Variants in SCRN2 observed in about 807,000 individuals in gnomAD.
SCRN2 encodes secernin-2.
Under a neutral mutation model 40.1 loss-of-function variants are expected in SCRN2, and 30 were observed. The observed-to-expected ratio is 0.75, with a 90% CI of 0.56 to 1.01. The LOEUF (loss-of-function observed/expected upper bound fraction) is 1.01. Ranked by LOEUF, SCRN2 falls within the 50% of genes least tolerant of loss-of-function variation. SCRN2 has a pLI of 0.00. For synonymous variants in SCRN2, 240 were observed against 233.5 expected, an observed-to-expected ratio of 1.03 and a Z score of -0.25; for missense variants, 526 against 564.9, an observed-to-expected ratio of 0.93 and a Z score of 0.70.
Position 47,837,921 on chromosome 17 carries a change from CG to C in SCRN2, c.1200del (p.Glu401SerfsTer17). On this transcript the variant is annotated frameshift_variant, in exon 8 of 8. Coordinates refer to ENST00000290216, the MANE Select transcript of SCRN2 (RefSeq NM_138355.4). LOFTEE classifies it high-confidence loss of function. ...AGCTCCCAGAGGGGTGGGGCCCACT[CG>C]CCGGCCAGCAGCCCCTGTGTGGCCT... ...GLEATQGLLA[G>X]EWAPPLWELG... 6.2e-7 allele frequency: 1 copy of C among 1,604,908 alleles called. No homozygotes were observed. The highest frequency in any genetic ancestry group is 8.5e-7 in the Non-Finnish European group (1 of 1,179,260).
chr17:47,839,551 T>G lies in SCRN2; in HGVS notation c.449A>C (p.Glu150Ala). ...EHYGQGGNCL[E>A]DAAPFSYHST... ...ATGGTAGGAGAATGGCGCAGCATCC[T>G]CCAGGCAGTTGCCCCCCTGCCCATA... is the stretch of plus-strand genomic sequence containing the variant. The change falls in exon 4 of 8, where the codon GAG becomes GCG. Residue 150 changes from glutamate to alanine, a missense_variant. Physicochemically the swap from Glu to Ala is moderately radical, Grantham distance 107. Transcript: ENST00000290216. 5 of 1,613,982 alleles carry G rather than the reference T, an allele frequency of 3.1e-6. No individual in the cohort carries two copies. Among genetic ancestry groups the G allele is most frequent in the Non-Finnish European group, 4.2e-6 (5 of 1,180,038 alleles).
intron 4 of SCRN2, 68 bp from the exon 5 acceptor site, chr17:47,839,074 G>A: frequency 6.5e-7 from 1 of 1,540,060 alleles, no homozygotes; most frequent in Non-Finnish European, 8.9e-7. Flanking sequence ...CACTGGGCGA[G>A]GTGCTGAGAA....
chr17:47,840,942 C>G (rs1253154163), intron 1 of SCRN2, 99 bp from the exon 2 acceptor site: 13 of 1,181,468 alleles, frequency 1.1e-5, no homozygotes, highest in Non-Finnish European at 1.2e-5. Context: ...AAGACACCGC[C>G]GTGGCTCCTG....
chr17:47,839,782 G>A (rs1023289947), intron 3 of SCRN2, 139 bp from the exon 4 acceptor site: 12 of 791,378 alleles, frequency 1.5e-5, no homozygotes, highest in African/African-American at 8.6e-5. Context: ...GGCACTGATC[G>A]TATCAAATGC....
intron 3 of SCRN2, 22 bp from the exon 4 acceptor site, chr17:47,839,665 G>A (rs376738116): frequency 3.3e-5 from 54 of 1,613,114 alleles, no homozygotes; most frequent in Non-Finnish European, 4.6e-5. Context: ...GAGGGCCAAG[G>A]GACAGAAGGG....
At chr17:47,839,722 G>A in intron 3 of SCRN2, 79 bp from the exon 4 acceptor site, 1 of 1,491,980 alleles carries the variant, frequency 6.7e-7, no homozygotes, top group Non-Finnish European at 9.3e-7. Flanking sequence ...GGGGACAGAA[G>A]AGGCCCGGAG....
Position 47,838,326 on chromosome 17 carries a change from G to A in SCRN2, c.1063C>T (p.Arg355Trp), listed in dbSNP as rs759656311. ...TGGTGTCCACGGTAGAGGGTATGCC[G>A]ACGATCTACCTGAGTCTGGAATCGG... ...LPRFQTQVDR[R>W]HTLYRGHQAA... The change falls in exon 7 of 8, where the codon CGG becomes TGG. Residue 355 changes from arginine (R) to tryptophan (W), a missense_variant. Transcript: ENST00000290216. The A allele has an allele frequency of 1.9e-5, 30 of 1,610,680 alleles. No homozygotes were observed. Among genetic ancestry groups the A allele is most frequent in the Non-Finnish European group, 2.4e-5 (28 of 1,178,836 alleles).
Position 47,838,206 on chromosome 17 carries a change from G to A in SCRN2, c.1119+64C>T, listed in dbSNP as rs749825233. 5.8e-6 allele frequency: 9 copies of A among 1,564,740 alleles called. No individual in the cohort carries two copies. In the Admixed American group the frequency reaches 1.7e-4, roughly 30 times the overall value. ...TCCCTAGTTCCTTCATATTTCCAGA[G>A]TCCCACTGGGAGTGGGGGAGGTCTA... is the stretch of plus-strand genomic sequence containing the variant. On this transcript the variant is annotated intron_variant, in intron 7 of 7. Transcript: ENST00000290216.
chr17:47,838,172 C>T, intron 7 of SCRN2, 98 bp downstream of exon 7: 3 of 1,538,050 alleles, frequency 2.0e-6, no homozygotes, highest in Non-Finnish European at 2.6e-6. Context: ...GCTCTGAAAT[C>T]TCTTCCACTC....
chr17:47,838,644 A>G lies in SCRN2; in HGVS notation c.825T>C (p.Gly275=). 4.3e-6 allele frequency: 7 copies of G among 1,613,978 alleles called. No individual in the cohort carries two copies. Among genetic ancestry groups the G allele is most frequent in the Non-Finnish European group, 5.9e-6 (7 of 1,180,008 alleles). ...MMGILRDKES[G]ICMDSGGFRT... Reference sequence around the variant, plus strand: ...GAAAGCCTCCCGAGTCCATACAGATACCACTCTCCTTGTCTCTGAGGATGC... The same window carrying G: ...GAAAGCCTCCCGAGTCCATACAGATGCCACTCTCCTTGTCTCTGAGGATGC... Residue 275 remains glycine, a synonymous_variant, in exon 6 of 8, where the codon GGT becomes GGC. Transcript: ENST00000290216.
Position 47,839,836 on chromosome 17 carries a change from C to T in SCRN2, c.357-193G>A, listed in dbSNP as rs1372864402. 4 of 626,472 alleles carry T rather than the reference C, an allele frequency of 6.4e-6. No homozygotes were observed. The African/African-American group carries it at 7.4e-5, about 12-fold the overall frequency. 38.8% of individuals were successfully genotyped at this position (626,472 alleles called of 1,614,324 possible). A position where few individuals can be genotyped will look rare whatever the true frequency, so the allele number is the denominator to read the frequency against. ...CAATGCTCTGGTTCCATGTGCTATG[C>T]TTTGAGGGTTCCATGAAAAGGCCTG... On this transcript the variant is annotated intron_variant, in intron 3 of 7. Coordinates refer to ENST00000290216, the MANE Select transcript of SCRN2 (RefSeq NM_138355.4).
intron 7 of SCRN2, 34 bp from the exon 8 acceptor site, chr17:47,838,036 G>A (rs913452663): frequency 2.0e-5 from 32 of 1,590,260 alleles, no homozygotes; most frequent in South Asian, 4.5e-5. Context: ...GAGTCTGTCC[G>A]GGACAGGCTT....
chr17:47,840,740 C>G lies in SCRN2; in HGVS notation c.104G>C (p.Arg35Pro), dbSNP rs774925208. The change falls in exon 2 of 8, where the codon CGA (arginine) becomes CCA (proline). Residue 35 changes from arginine to proline, a missense_variant. Arg to Pro is a moderately radical substitution (Grantham distance 103). Transcript: ENST00000290216. ...CACCTCCTGCACCTCGTCCCGGGGTCGGTCCGAGTTCTTGGCAAAGATCAC... is the reference window on the plus strand; with the variant it reads ...CACCTCCTGCACCTCGTCCCGGGGTGGGTCCGAGTTCTTGGCAAAGATCAC... ...PAVIFAKNSDRPRDEVQEVVF... is the reference protein window; with the variant it reads ...PAVIFAKNSDPPRDEVQEVVF... 6.3e-7 allele frequency: 1 copy of G among 1,599,882 alleles called. No individual in the cohort carries two copies.
chr17:47,838,587 G>C lies in SCRN2; in HGVS notation c.882C>G (p.Pro294=). The change falls in exon 6 of 8, where the codon CCC becomes CCG. Residue 294 remains proline (P), a synonymous_variant. Transcript: ENST00000290216. ...RTTASMVSVL[P]QDPTQPCVHF... ...GCACGCAGGGCTGCGTGGGATCCTG[G>C]GGCAGGACAGACACCATGCTGGCCG... The C allele has an allele frequency of 6.2e-7, 1 of 1,614,084 alleles. No homozygotes were observed. Among genetic ancestry groups the C allele is most frequent in the South Asian group, 1.1e-5 (1 of 91,088 alleles).
Position 47,838,913 on chromosome 17 carries a change from C to G in SCRN2, c.650G>C (p.Trp217Ser). The change falls in exon 5 of 8, where the codon TGG (tryptophan) becomes TCG (serine). Residue 217 changes from tryptophan (W) to serine (S), a missense_variant. Coordinates refer to ENST00000290216, the MANE Select transcript of SCRN2 (RefSeq NM_138355.4). The stretch of plus-strand genomic sequence containing the variant: ...GTCAAAGGCACCCTGCCCATCCCAC[C>G]AGCCCTTGGCCTGGGCATGAGTCCG... ...ELRTHAQAKGWWDGQGAFDFA... is the reference protein window; with the variant it reads ...ELRTHAQAKGSWDGQGAFDFA... The G allele has an allele frequency of 6.2e-7, 1 of 1,613,988 alleles. No individual in the cohort carries two copies. Among genetic ancestry groups the G allele is most frequent in the Non-Finnish European group, 8.5e-7 (1 of 1,180,042 alleles).
Position 47,838,679 on chromosome 17 carries a change from C to T in SCRN2, c.790G>A (p.Val264Met). ...RQRQGGITAE[V>M]MMGILRDKES... Reference sequence around the variant, plus strand: ...TTGTCTCTGAGGATGCCCATCATCACCTCTGCCGTGATGCCCCCTGCCAAG... The same window carrying T: ...TTGTCTCTGAGGATGCCCATCATCATCTCTGCCGTGATGCCCCCTGCCAAG... The change falls in exon 6 of 8, where the codon GTG (valine) becomes ATG (methionine). Residue 264 changes from valine to methionine, a missense_variant. Val to Met is a conservative substitution (Grantham distance 21, BLOSUM62 1). Transcript: ENST00000290216. The T allele has an allele frequency of 6.2e-7, 1 of 1,613,944 alleles. No homozygotes were observed. Among genetic ancestry groups the T allele is most frequent in the African/African-American group, 1.3e-5 (1 of 75,066 alleles).
At chr17:47,838,195 A>G (rs2033732202) in intron 7 of SCRN2, 75 bp downstream of exon 7, 1 of 1,559,230 alleles carries the variant, frequency 6.4e-7, no homozygotes, top group South Asian at 1.2e-5. Context: ...TAGTTCCTTC[A>G]TATTTCCAGA....
Position 47,839,066 on chromosome 17 carries a change from C to T in SCRN2, c.557-60G>A, listed in dbSNP as rs529275070. 91 of 1,565,506 alleles carry T rather than the reference C, an allele frequency of 5.8e-5. No individual in the cohort carries two copies. The Middle Eastern group carries it at 2.7e-3, about 46-fold the overall frequency. On this transcript the variant is annotated intron_variant, in intron 4 of 7. Transcript: ENST00000290216. ...TTGAGCATCTATTCTATGCCAGGCA[C>T]TGGGCGAGGTGCTGAGAACATGGTG...
Position 47,840,337 on chromosome 17 carries a change from C to T in SCRN2, c.210G>A (p.Thr70=), listed in dbSNP as rs11652952. Residue 70 remains threonine, a synonymous_variant, in exon 3 of 8, where the codon ACG becomes ACA. Transcript: ENST00000290216. ...TYIEVEQVSK[T]HAVILSRPSW... Reference sequence around the variant, plus strand: ...AAGGACGGCTCAGAATCACAGCGTGCGTCTTCGACACCTGTTCCACTTCAA... The same window carrying T: ...AAGGACGGCTCAGAATCACAGCGTGTGTCTTCGACACCTGTTCCACTTCAA... The T allele has an allele frequency of 0.028, 45,751 of 1,614,128 alleles. 792 individuals carry two copies. Among genetic ancestry groups the T allele is most frequent in the African/African-American group, 0.062 (4,672 of 75,056 alleles).
Sources: gnomAD v4.1 joint callset for allele counts on GRCh38, gnomAD v4.1.1 for gene constraint, MANE v1.5 for transcripts, NCBI Gene and HGNC (gene_info 2026-07-23, HGNC 2026-07-21) for gene names.